CCBE1: variants seen among roughly 807,000 people sequenced by gnomAD.
CCBE1 encodes the protein collagen and calcium binding EGF domains 1.
Under a neutral mutation model 50.0 loss-of-function variants are expected in CCBE1, and 37 were observed. That is an observed-to-expected ratio of 0.74 (90% CI 0.57 to 0.97). CCBE1 has a LOEUF of 0.97. Ranked by LOEUF, CCBE1 falls within the 50% of genes least tolerant of loss-of-function variation. The probability of loss-of-function intolerance (pLI) is 0.00; values close to 1 mark genes in which losing one functional copy is unlikely to be tolerated. For synonymous variants in CCBE1, 234 were observed against 203.7 expected (o/e 1.15, Z -1.27); for missense variants, 538 against 523.8 (o/e 1.03, Z -0.26).
At chr18:59,689,721 A>G (rs2054704201) in intron 2 of CCBE1, among the ~76,000 whole-genome samples, 1 of 152,192 alleles carries the variant, frequency 6.6e-6, no homozygotes, top group Non-Finnish European at 1.5e-5. Context: ...GGCTTGGGGT[A>G]TTTGTCCCTA....
chr18:59,569,753 GTC>G (rs2052883261), intron 2 of CCBE1, among the ~76,000 whole-genome samples: 2 of 152,214 alleles, frequency 1.3e-5, no homozygotes, highest in Admixed American at 1.3e-4. Context: ...TCCCACCTCA[GTC>G]TCCTAAGTAG....
intron 2 of CCBE1, among the ~76,000 whole-genome samples, chr18:59,684,708 A>G (rs1457459999): frequency 2.0e-5 from 3 of 152,224 alleles, no homozygotes; most frequent in Non-Finnish European, 2.9e-5. Context: ...AACACTCAAA[A>G]AGACAATTAC....
At position 59,696,576 on chromosome 18, in the gene CCBE1, C is replaced by T. The variant is rs528962018; in HGVS notation, c.212+53G>A. 2.7e-5 allele frequency: 43 copies of T among 1,610,046 alleles called. No homozygotes were observed. In the African/African-American group the frequency reaches 4.5e-4, roughly 17 times the overall value. ...ACCCCTCCTTTACAGCGCCGCCTCC[C>T]CAGCCAGCCCCGGTGCGCAGTGGCG... On this transcript the variant is annotated intron_variant, in intron 2 of 10. Coordinates refer to ENST00000439986, the MANE Select transcript of CCBE1 (RefSeq NM_133459.4).
intron 2 of CCBE1, among the ~76,000 whole-genome samples, chr18:59,616,748 T>C (rs2144595441): frequency 6.6e-6 from 1 of 152,334 alleles, no homozygotes; most frequent in South Asian, 2.1e-4. Context: ...AAACGGATTC[T>C]TAAGGTAATA....
At chr18:59,593,438 T>C (rs1012066470) in intron 2 of CCBE1, among the ~76,000 whole-genome samples, 5 of 152,254 alleles carry the variant, frequency 3.3e-5, no homozygotes, top group African/African-American at 4.8e-5. Context: ...AACAATAACT[T>C]TTGTAATGCA....
intron 2 of CCBE1, among the ~76,000 whole-genome samples, chr18:59,608,236 G>C (rs375711107): frequency 6.6e-6 from 1 of 152,170 alleles, no homozygotes; most frequent in Non-Finnish European, 1.5e-5. Context: ...CATTTGTCAC[G>C]AGTGTTCAAT....
At chr18:59,466,606 C>A in intron 5 of CCBE1, 133 bp downstream of exon 5, 1 of 395,156 alleles carries the variant, frequency 2.5e-6, no homozygotes, top group Non-Finnish European at 3.9e-6. Flanking sequence ...AATTACATAG[C>A]ATAATTACAT....
At chr18:59,565,017 T>C (rs2052799341) in intron 2 of CCBE1, among the ~76,000 whole-genome samples, 1 of 152,230 alleles carries the variant, frequency 6.6e-6, no homozygotes, top group African/African-American at 2.4e-5. Context: ...GTAGTCAGCC[T>C]TGTTCCCTTG....
At chr18:59,637,089 G>T (rs1002325317) in intron 2 of CCBE1, among the ~76,000 whole-genome samples, 15 of 152,142 alleles carry the variant, frequency 9.9e-5, no homozygotes, top group African/African-American at 3.1e-4. Context: ...CTTAAGAAAA[G>T]ATCAAGAATG....
intron 2 of CCBE1, among the ~76,000 whole-genome samples, chr18:59,677,142 G>A (rs904909349): frequency 2.0e-5 from 3 of 152,202 alleles, no homozygotes; most frequent in African/African-American, 7.2e-5. Context: ...AGTTAAGACA[G>A]GAAGCAAAGA....
intron 2 of CCBE1, among the ~76,000 whole-genome samples, chr18:59,674,526 G>T (rs894249601): frequency 6.6e-6 from 1 of 152,146 alleles, no homozygotes; most frequent in Admixed American, 6.5e-5. Context: ...GTAGATGACA[G>T]GTTGATGGAT....
At chr18:59,542,398 A>G (rs906862939) in intron 2 of CCBE1, among the ~76,000 whole-genome samples, 10 of 152,202 alleles carry the variant, frequency 6.6e-5, no homozygotes, top group African/African-American at 2.4e-4. Context: ...CCACAAAGGC[A>G]GAATTCTGTT....
intron 2 of CCBE1, among the ~76,000 whole-genome samples, chr18:59,542,957 G>A (rs1389212448): frequency 1.3e-5 from 2 of 152,068 alleles, no homozygotes; most frequent in Non-Finnish European, 2.9e-5. Flanking sequence ...CCAAGATCTC[G>A]CCAAACCCAG....
At chr18:59,656,904 C>T (rs80182583) in intron 2 of CCBE1, among the ~76,000 whole-genome samples, 1 of 152,114 alleles carries the variant, frequency 6.6e-6, no homozygotes, top group Non-Finnish European at 1.5e-5. Context: ...TAGCTAAGCC[C>T]AGAAACCCCA....
At chr18:59,532,410 C>T (rs923779596) in intron 2 of CCBE1, among the ~76,000 whole-genome samples, 1 of 152,050 alleles carries the variant, frequency 6.6e-6, no homozygotes, top group African/African-American at 2.4e-5. Context: ...TGGTTTGCCT[C>T]GCATTAAACT....
intron 6 of CCBE1, among the ~76,000 whole-genome samples, chr18:59,453,907 G>A (rs1598912907): frequency 6.6e-6 from 1 of 152,150 alleles, no homozygotes; most frequent in Non-Finnish European, 1.5e-5. Context: ...CCATCCCGGG[G>A]CATTACTCAC....
At chr18:59,688,718 G>A (rs980173925) in intron 2 of CCBE1, among the ~76,000 whole-genome samples, 4 of 152,212 alleles carry the variant, frequency 2.6e-5, no homozygotes, top group African/African-American at 9.7e-5. Flanking sequence ...ACTTAGGAAT[G>A]ATGACTTGAA....
intron 2 of CCBE1, among the ~76,000 whole-genome samples, chr18:59,545,721 C>T (rs1316557130): frequency 6.6e-6 from 1 of 152,174 alleles, no homozygotes; most frequent in Non-Finnish European, 1.5e-5. Context: ...ATCATGAGGG[C>T]AGTTTCTCCC....
chr18:59,644,040 G>T (rs1471990492), intron 2 of CCBE1, among the ~76,000 whole-genome samples: 1 of 152,172 alleles, frequency 6.6e-6, no homozygotes, highest in Admixed American at 6.5e-5. Flanking sequence ...ACCAGGGACT[G>T]GTTTCATGGA....
Sources: allele counts gnomAD v4.1 joint callset (sites outside exome capture counted in the v4.1 genomes callset), GRCh38; gene constraint gnomAD v4.1.1; transcripts MANE v1.5; gene names NCBI Gene and HGNC (gene_info 2026-07-23, HGNC 2026-07-21).